EYA4: variants seen among roughly 807,000 people sequenced by gnomAD.
EYA4 encodes EYA transcriptional coactivator and phosphatase 4.
A neutral mutation model predicts 87.9 loss-of-function variants in EYA4; 31 were observed. That is an observed-to-expected ratio of 0.35 (90% CI 0.27 to 0.48). EYA4 has a LOEUF of 0.48. Ranked by LOEUF, EYA4 falls within the 20% of genes least tolerant of loss-of-function variation. The pLI is 0.99. For synonymous variants in EYA4, 263 were observed against 270.6 expected, an observed-to-expected ratio of 0.97 and a Z score of 0.28; for missense variants, 678 against 761.4, an observed-to-expected ratio of 0.89 and a Z score of 1.29.
chr6:133,293,985 C>CAT (rs10646344), intron 2 of EYA4, among the ~76,000 whole-genome samples: 90,447 of 116,610 alleles, frequency 0.78, 36,060 homozygotes, highest in African/African-American at 0.95. Flanking sequence ...ATATATATTA[C>CAT]ATATATATAT....
chr6:133,409,858 G>A (rs183079693), intron 3 of EYA4, among the ~76,000 whole-genome samples: 107 of 152,226 alleles, frequency 7.0e-4, no homozygotes, highest in African/African-American at 2.5e-3. Flanking sequence ...AAAAAGAAAG[G>A]TGACTGTGAA....
intron 19 of EYA4, 80 bp from the exon 20 acceptor site, chr6:133,528,645 T>G: frequency 9.8e-7 from 1 of 1,024,600 alleles, no homozygotes; most frequent in Non-Finnish European, 1.6e-6. Context: ...GCTGCTTCAT[T>G]GAGACAATGG....
At chr6:133,294,878 G>A (rs1263614515) in intron 2 of EYA4, among the ~76,000 whole-genome samples, 5 of 152,032 alleles carry the variant, frequency 3.3e-5, no homozygotes, top group African/African-American at 1.2e-4. Context: ...ACCACAGCCG[G>A]CCAATTTCTT....
chr6:133,256,086 T>C (rs1000480097), intron 1 of EYA4, among the ~76,000 whole-genome samples: 1 of 151,848 alleles, frequency 6.6e-6, no homozygotes, highest in Non-Finnish European at 1.5e-5. Context: ...TTGTAATTAT[T>C]TGTGCTCTGG....
At position 133,497,630 on chromosome 6, in the gene EYA4, A is replaced by G. The variant is rs187085294; in HGVS notation, c.1192-8476A>G. On this transcript the variant is annotated intron_variant, in intron 13 of 19. Transcript: ENST00000355286. Reference sequence around the variant, plus strand: ...AAATTCGACAGGATGTAGACCAGGAATCATCCATCACGTTAGAGTTTATTT... The same window carrying G: ...AAATTCGACAGGATGTAGACCAGGAGTCATCCATCACGTTAGAGTTTATTT... Among the ~76,000 whole-genome samples the G allele has an allele frequency of 4.8e-4, 73 of 152,322 alleles. 1 individual carries two copies. The highest frequency in any genetic ancestry group is 1.8e-3 in the Admixed American group (28 of 15,290).
chr6:133,418,569 A>G (rs1380411799), intron 3 of EYA4, among the ~76,000 whole-genome samples: 1 of 152,248 alleles, frequency 6.6e-6, no homozygotes, highest in Non-Finnish European at 1.5e-5. Context: ...ACACACAAAT[A>G]TTAAACTATA....
intron 2 of EYA4, among the ~76,000 whole-genome samples, chr6:133,299,967 A>ATC (rs1413555452): frequency 6.7e-6 from 1 of 149,756 alleles, no homozygotes; most frequent in Non-Finnish European, 1.5e-5. Context: ...ATATATATAT[A>ATC]TATCTTTTGA....
At chr6:133,345,889 G>A (rs1481872928) in intron 2 of EYA4, among the ~76,000 whole-genome samples, 1 of 152,210 alleles carries the variant, frequency 6.6e-6, no homozygotes, top group Non-Finnish European at 1.5e-5. Context: ...AGAAGGTAAG[G>A]ACATCTTTTA....
At chr6:133,294,058 T>C (rs1373258965) in intron 2 of EYA4, among the ~76,000 whole-genome samples, 1 of 112,452 alleles carries the variant, frequency 8.9e-6, no homozygotes, top group East Asian at 2.5e-4. Flanking sequence ...TATATATATA[T>C]ATATAATTCT....
intron 11 of EYA4, among the ~76,000 whole-genome samples, chr6:133,477,985 A>C (rs1381754427): frequency 6.6e-6 from 1 of 152,124 alleles, no homozygotes; most frequent in Non-Finnish European, 1.5e-5. Context: ...AATGAGCAAG[A>C]AACATGAAAA....
At chr6:133,291,398 A>G (rs1004135741) in intron 2 of EYA4, among the ~76,000 whole-genome samples, 13 of 152,170 alleles carry the variant, frequency 8.5e-5, no homozygotes, top group African/African-American at 2.9e-4. Flanking sequence ...TGTTTATTTC[A>G]TAAATCTTAT....
intron 17 of EYA4, among the ~76,000 whole-genome samples, chr6:133,520,790 C>T (rs796555457): frequency 7.1e-6 from 1 of 141,188 alleles, no homozygotes; most frequent in Admixed American, 7.1e-5. Flanking sequence ...AACAGAACAG[C>T]GCCCTCAGAA....
chr6:133,531,161 C>A lies in EYA4; in HGVS notation c.*2356C>A. 1.3e-6 allele frequency: 2 copies of A among 1,534,026 alleles called. No individual in the cohort carries two copies. The highest frequency in any genetic ancestry group is 1.7e-6 in the Non-Finnish European group (2 of 1,146,156). On this transcript the variant is annotated 3_prime_UTR_variant, in exon 20 of 20. Coordinates refer to ENST00000355286, the MANE Select transcript of EYA4 (RefSeq NM_004100.5). ...AAAGAGAAGCCGGCTGGTTGCATCA[C>A]CCCGTGCAGTTTCTCACACACATCT...
intron 1 of EYA4, among the ~76,000 whole-genome samples, chr6:133,250,646 A>C (rs1774820501): frequency 1.3e-5 from 2 of 152,110 alleles, no homozygotes; most frequent in Admixed American, 1.3e-4. Flanking sequence ...CATCTCAAAA[A>C]TAAATAAATA....
intron 1 of EYA4, among the ~76,000 whole-genome samples, chr6:133,256,541 A>T (rs1050383818): frequency 1.3e-5 from 2 of 152,112 alleles, no homozygotes. Context: ...TAGACATTGT[A>T]TAAGTAATAA....
chr6:133,434,167 G>A (rs1237271989), intron 3 of EYA4, among the ~76,000 whole-genome samples: 2 of 152,206 alleles, frequency 1.3e-5, no homozygotes, highest in Non-Finnish European at 2.9e-5. Context: ...CTCCCTGAGA[G>A]AGAAAAAGCT....
chr6:133,364,430 C>T (rs776508447), intron 2 of EYA4, among the ~76,000 whole-genome samples: 1 of 152,176 alleles, frequency 6.6e-6, no homozygotes, highest in Non-Finnish European at 1.5e-5. Flanking sequence ...GGGTGTTGGA[C>T]ATGCGACACA....
chr6:133,325,461 G>A (rs1212829544), intron 2 of EYA4: 1 of 152,164 alleles, frequency 6.6e-6, no homozygotes, highest in Non-Finnish European at 1.5e-5. Flanking sequence ...CATAGGGAGA[G>A]AGAACTGAAA....
chr6:133,411,342 A>T (rs1298446368), intron 3 of EYA4, among the ~76,000 whole-genome samples: 1 of 152,208 alleles, frequency 6.6e-6, no homozygotes, highest in Non-Finnish European at 1.5e-5. Flanking sequence ...TGTGTTATAG[A>T]GCACAAATAT....
Sources: allele counts gnomAD v4.1 joint callset (sites outside exome capture counted in the v4.1 genomes callset), GRCh38; gene constraint gnomAD v4.1.1; transcripts MANE v1.5; gene names NCBI Gene and HGNC (gene_info 2026-07-23, HGNC 2026-07-21).